NMNAT2: variants seen among roughly 807,000 people sequenced by gnomAD.
NMNAT2 encodes the protein nicotinamide nucleotide adenylyltransferase 2, also known as nicotinamide/nicotinic acid mononucleotide adenylyltransferase 2.
A neutral mutation model predicts 41.6 loss-of-function variants in NMNAT2; 11 were observed. The observed-to-expected ratio is 0.26, with a 90% CI of 0.17 to 0.44. NMNAT2 has a LOEUF of 0.44. Ranked by LOEUF, NMNAT2 falls within the 20% of genes least tolerant of loss-of-function variation. NMNAT2 has a pLI of 1.00. For synonymous variants in NMNAT2, 148 were observed against 151.2 expected, an observed-to-expected ratio of 0.98 and a Z score of 0.16; for missense variants, 288 against 407.7, an observed-to-expected ratio of 0.71 and a Z score of 2.53.
intron 1 of NMNAT2, among the ~76,000 whole-genome samples, chr1:183,333,723 C>T (rs976280103): frequency 3.3e-5 from 5 of 151,362 alleles, no homozygotes; most frequent in East Asian, 3.8e-4. Context: ...TAATAGGAAA[C>T]GAATACACTT....
At chr1:183,392,785 T>A (rs759352964) in intron 1 of NMNAT2, among the ~76,000 whole-genome samples, 6 of 152,202 alleles carry the variant, frequency 3.9e-5, no homozygotes, top group Non-Finnish European at 7.3e-5. Flanking sequence ...AAATCCTTCA[T>A]CTCCTTCAAG....
chr1:183,369,882 C>T (rs369967906), intron 1 of NMNAT2, among the ~76,000 whole-genome samples: 1 of 151,904 alleles, frequency 6.6e-6, no homozygotes, highest in African/African-American at 2.4e-5. Flanking sequence ...TCTTATTATC[C>T]CCATTGCAAA....
At chr1:183,344,481 A>G (rs1662884152) in intron 1 of NMNAT2, among the ~76,000 whole-genome samples, 1 of 152,174 alleles carries the variant, frequency 6.6e-6, no homozygotes, top group Admixed American at 6.5e-5. Flanking sequence ...GTCTCCTCAC[A>G]ACACTGTCAG....
chr1:183,301,997 C>T (rs1661866899), intron 1 of NMNAT2, among the ~76,000 whole-genome samples: 1 of 152,168 alleles, frequency 6.6e-6, no homozygotes, highest in Admixed American at 6.5e-5. Flanking sequence ...CAAAGATTGT[C>T]TGGATTTGTA....
chr1:183,383,644 T>A (rs1663851773), intron 1 of NMNAT2, among the ~76,000 whole-genome samples: 1 of 152,194 alleles, frequency 6.6e-6, no homozygotes. Context: ...CCCTAAATCA[T>A]CACTCTCAAG....
intron 7 of NMNAT2, chr1:183,282,808 G>A (rs1320446643): frequency 6.6e-6 from 1 of 152,202 alleles, no homozygotes; most frequent in Non-Finnish European, 1.5e-5. Flanking sequence ...CCTTCAGAGA[G>A]TGACTTGCTG....
At chr1:183,295,206 C>T (rs1451915791) in intron 1 of NMNAT2, among the ~76,000 whole-genome samples, 1 of 152,034 alleles carries the variant, frequency 6.6e-6, no homozygotes, top group Non-Finnish European at 1.5e-5. Context: ...TTCCACGTGT[C>T]GGCCAGGCTG....
At chr1:183,306,505 A>G (rs1252195504) in intron 1 of NMNAT2, among the ~76,000 whole-genome samples, 5 of 152,202 alleles carry the variant, frequency 3.3e-5, no homozygotes, top group Non-Finnish European at 4.4e-5. Context: ...AGGATGCCCA[A>G]TGAACCACTG....
chr1:183,308,380 G>A (rs1461907905), intron 1 of NMNAT2, among the ~76,000 whole-genome samples: 3 of 152,186 alleles, frequency 2.0e-5, no homozygotes, highest in African/African-American at 4.8e-5. Flanking sequence ...AGCCTTTTAG[G>A]AGGGCAATAT....
chr1:183,331,778 GT>G (rs1046513790), intron 1 of NMNAT2, among the ~76,000 whole-genome samples: 1 of 152,084 alleles, frequency 6.6e-6, no homozygotes, highest in African/African-American at 2.4e-5. Context: ...ACGGTGCATA[GT>G]TTTTTATTTT....
chr1:183,313,784 C>T (rs538389203), intron 1 of NMNAT2, among the ~76,000 whole-genome samples: 3 of 152,302 alleles, frequency 2.0e-5, no homozygotes, highest in African/African-American at 7.2e-5. Context: ...CTGCGCCCAG[C>T]CAATGGGAAA....
chr1:183,294,081 C>A (rs1661617193), intron 1 of NMNAT2, among the ~76,000 whole-genome samples: 2 of 152,164 alleles, frequency 1.3e-5, no homozygotes, highest in East Asian at 3.8e-4. Flanking sequence ...AAAACAAGCG[C>A]CTCATTAGCA....
At position 183,323,212 on chromosome 1, in the gene NMNAT2, G is replaced by A. The variant is rs180905019; in HGVS notation, c.86-29419C>T. ...CTCCCAAAGTGCTGGGATTACAGGC[G>A]TGAGCCACCGCACCTGGCCACAAAA... On this transcript the variant is annotated intron_variant, in intron 1 of 10. Transcript: ENST00000287713. Among the ~76,000 whole-genome samples, 276 of 152,232 alleles carry A rather than the reference G, an allele frequency of 1.8e-3. 1 individual carries two copies. Among genetic ancestry groups the A allele is most frequent in the Non-Finnish European group, 3.0e-3 (201 of 68,024 alleles).
Position 183,251,427 on chromosome 1 carries a change from A to G in NMNAT2, c.*1214T>C, listed in dbSNP as rs1010774334. The G allele has an allele frequency of 6.6e-6, 1 of 152,242 alleles. No homozygotes were observed. Among genetic ancestry groups the G allele is most frequent in the Admixed American group, 6.5e-5 (1 of 15,282 alleles). 9.4% of individuals were successfully genotyped at this position (152,242 alleles called of 1,614,324 possible). A position where few individuals can be genotyped will look rare whatever the true frequency, so the allele number is the denominator to read the frequency against. On this transcript the variant is annotated 3_prime_UTR_variant, in exon 11 of 11. Coordinates refer to ENST00000287713, the MANE Select transcript of NMNAT2 (RefSeq NM_015039.4). Reference sequence around the variant, plus strand: ...CCTGGACTTACAATATGAAAGAGACATTTCCCAGCCCAACAGACAATACAT... The same window carrying G: ...CCTGGACTTACAATATGAAAGAGACGTTTCCCAGCCCAACAGACAATACAT...
At chr1:183,412,336 G>T (rs533295682) in intron 1 of NMNAT2, among the ~76,000 whole-genome samples, 12 of 152,202 alleles carry the variant, frequency 7.9e-5, no homozygotes, top group Non-Finnish European at 1.8e-4. Context: ...TGATTCTCCT[G>T]CCTCAGCCTC....
intron 1 of NMNAT2, among the ~76,000 whole-genome samples, chr1:183,409,708 A>G (rs575264292): frequency 2.0e-5 from 3 of 152,352 alleles, no homozygotes; most frequent in Non-Finnish European, 4.4e-5. Flanking sequence ...GGATCTCTAC[A>G]GTGCTTACTT....
At chr1:183,356,668 C>G (rs1663195523) in intron 1 of NMNAT2, among the ~76,000 whole-genome samples, 1 of 152,148 alleles carries the variant, frequency 6.6e-6, no homozygotes, top group Non-Finnish European at 1.5e-5. Context: ...ATTTGTTATG[C>G]CTAACTGTAT....
chr1:183,296,696 T>A (rs150014307), intron 1 of NMNAT2, among the ~76,000 whole-genome samples: 2,345 of 152,074 alleles, frequency 0.015, 45 homozygotes, highest in African/African-American at 0.054. Context: ...TATTTTTTAG[T>A]AGAGATGGGG....
At chr1:183,288,557 C>A (rs145897805) in intron 4 of NMNAT2, among the ~76,000 whole-genome samples, 1 of 152,170 alleles carries the variant, frequency 6.6e-6, no homozygotes, top group African/African-American at 2.4e-5. Flanking sequence ...TCAGGAAGCC[C>A]GGGCATTTAG....
Sources: allele counts gnomAD v4.1 joint callset (sites outside exome capture counted in the v4.1 genomes callset), GRCh38; gene constraint gnomAD v4.1.1; transcripts MANE v1.5; gene names NCBI Gene and HGNC (gene_info 2026-07-23, HGNC 2026-07-21).